The following HERC4 variants were observed in gnomAD, a reference collection of about 807,000 sequenced individuals.
The protein encoded by HERC4 is HECT and RLD domain containing E3 ubiquitin protein ligase 4.
In HERC4, 28 loss-of-function variants were observed where a neutral mutation model predicts 124.3. The ratio of observed to expected loss-of-function variants is 0.23; its 90% CI spans 0.17 to 0.31. The LOEUF is 0.31. HERC4 is among the 10% of genes least tolerant of loss of function. HERC4 has a pLI of 1.00. For missense variants in HERC4, 713 were observed against 1,229.3 expected (o/e 0.58, Z 6.28); for synonymous variants, 407 against 421.5 (o/e 0.97, Z 0.42).
intron 13 of HERC4, 51 bp from the exon 14 acceptor site, chr10:67,990,451 T>C (rs778529810): frequency 1.2e-5 from 7 of 599,302 alleles, no homozygotes; most frequent in Non-Finnish European, 1.5e-5. Flanking sequence ...GAATACACTT[T>C]CAAAGAAAAA....
At chr10:67,993,420 G>A (rs1047232438) in intron 9 of HERC4, 2 of 151,888 alleles carry the variant, frequency 1.3e-5, no homozygotes, top group African/African-American at 4.8e-5. Context: ...TTGGGAGAGT[G>A]AGGCAGGAGG....
At chr10:68,059,459 A>AATAATATTATGTATT (rs1554830043) in intron 3 of HERC4, among the ~76,000 whole-genome samples, 5 of 83,202 alleles carry the variant, frequency 6.0e-5, no homozygotes, top group African/African-American at 2.9e-4. Context: ...TATATATTAT[A>AATAATATTATGTATT]ATAATATTAT....
chr10:67,974,779 T>C (rs967089048), intron 15 of HERC4, among the ~76,000 whole-genome samples: 2 of 152,208 alleles, frequency 1.3e-5, no homozygotes, highest in Non-Finnish European at 2.9e-5. Flanking sequence ...CAAACACATA[T>C]ATAACACCAT....
chr10:68,012,936 T>C (rs2038053332), intron 9 of HERC4, among the ~76,000 whole-genome samples: 1 of 152,232 alleles, frequency 6.6e-6, no homozygotes, highest in Non-Finnish European at 1.5e-5. Context: ...ATGCATGACA[T>C]GATCAGTGAT....
chr10:67,937,825 G>T (rs2032499549), intron 21 of HERC4, among the ~76,000 whole-genome samples: 1 of 151,618 alleles, frequency 6.6e-6, no homozygotes, highest in African/African-American at 2.4e-5. Context: ...GGTACTACAG[G>T]TACGTGCCAC....
intron 3 of HERC4, among the ~76,000 whole-genome samples, chr10:68,049,233 G>C (rs1315732357): frequency 6.6e-6 from 1 of 151,588 alleles, no homozygotes; most frequent in East Asian, 1.9e-4. Context: ...GTTATGAAAA[G>C]ATCCCCAGGA....
At chr10:68,005,361 C>T (rs1473170771) in intron 9 of HERC4, among the ~76,000 whole-genome samples, 2 of 152,128 alleles carry the variant, frequency 1.3e-5, no homozygotes, top group Admixed American at 1.3e-4. Context: ...GCTACTCCTG[C>T]TCTTTTTGGT....
chr10:67,990,802 A>G, intron 13 of HERC4, 102 bp downstream of exon 13: 1 of 619,692 alleles, frequency 1.6e-6, no homozygotes, highest in South Asian at 3.0e-5. Context: ...GCACATCGTA[A>G]GAGTCTGTGA....
At chr10:67,989,569 A>G (rs1199852998) in intron 14 of HERC4, among the ~76,000 whole-genome samples, 1 of 151,974 alleles carries the variant, frequency 6.6e-6, no homozygotes, top group Non-Finnish European at 1.5e-5. Context: ...TTACTTCTAT[A>G]TATCTCAGCT....
chr10:67,952,683 G>A lies in HERC4; in HGVS notation c.2337+1912C>T, dbSNP rs1414546063. 2.6e-5 allele frequency among the ~76,000 whole-genome samples: 4 copies of A among 152,096 alleles called. No homozygotes were observed. In the South Asian group the frequency reaches 8.3e-4, roughly 32 times the overall value. The stretch of plus-strand genomic sequence containing the variant: ...GAAGGCCAAGGCAGGTGGATCACAA[G>A]GTCAGGAGATCGAGACAATCCTGGC... On this transcript the variant is annotated intron_variant, in intron 19 of 24. Transcript: ENST00000373700.
intron 17 of HERC4, 151 bp from the exon 18 acceptor site, chr10:67,955,281 A>G: frequency 1.6e-6 from 1 of 611,116 alleles, no homozygotes; most frequent in Non-Finnish European, 2.7e-6. Context: ...CGTACAGCAT[A>G]AAACTTAATA....
chr10:67,957,036 G>T, intron 16 of HERC4, 60 bp from the exon 17 acceptor site: 1 of 928,958 alleles, frequency 1.1e-6, no homozygotes. Context: ...TACTGTGGAT[G>T]CTGACATTTC....
intron 3 of HERC4, chr10:68,069,645 T>G: frequency 1.0e-6 from 1 of 984,920 alleles, no homozygotes; most frequent in Non-Finnish European, 1.2e-6. Flanking sequence ...TTCTCCTTCA[T>G]TCCTTATTAG....
At chr10:67,926,167 G>A (rs2030913719) in intron 23 of HERC4, among the ~76,000 whole-genome samples, 2 of 152,130 alleles carry the variant, frequency 1.3e-5, no homozygotes, top group African/African-American at 4.8e-5. Context: ...GTCCAAGCCG[G>A]GCAGATCACT....
chr10:67,956,639 G>C, intron 17 of HERC4: 1 of 291,840 alleles, frequency 3.4e-6, no homozygotes, highest in Non-Finnish European at 6.3e-6. Context: ...AATGAAAGAG[G>C]CTTATACAAT....
rs1180192954 is a variant in HERC4, at chr10:67,927,412, ATATATATATATATATATATTTTTT to A, written c.2839-2249_2839-2226del. Among the ~76,000 whole-genome samples the A allele has an allele frequency of 2.1e-3, 19 of 9,046 alleles. 2 individuals are homozygous for A. Among genetic ancestry groups the A allele is most frequent in the African/African-American group, 6.6e-3 (18 of 2,728 alleles). 5.9% of individuals were successfully genotyped at this position (9,046 alleles called of 152,430 possible). On this transcript the variant is annotated intron_variant, in intron 23 of 24. Transcript: ENST00000373700. ...TATATATATATATATATATATATAT[ATATATATATATATATATATTTTTT>A]TTTTTTTTTAGATAGAGTCTTGCTC...
At position 67,939,664 on chromosome 10, in the gene HERC4, AAT is replaced by A. The variant is rs775974780; in HGVS notation, c.2505-12_2505-11del. On this transcript the variant is annotated splice_polypyrimidine_tract_variant and intron_variant, in intron 20 of 24. Transcript: ENST00000373700. ...TAACTGTTGCATGCTTCTGCAAAATAATATATATGTTTCTGAGAGGAAAAAAT... is the reference window on the plus strand; with the variant it reads ...TAACTGTTGCATGCTTCTGCAAAATAATATATGTTTCTGAGAGGAAAAAAT... The A allele has an allele frequency of 3.8e-6, 6 of 1,577,476 alleles. No individual in the cohort carries two copies. The highest frequency in any genetic ancestry group is 5.2e-6 in the Non-Finnish European group (6 of 1,155,496).
At chr10:67,955,166 C>T in intron 17 of HERC4, 36 bp from the exon 18 acceptor site, 1 of 1,552,374 alleles carries the variant, frequency 6.4e-7, no homozygotes, top group South Asian at 1.2e-5. Flanking sequence ...AACAGCAATG[C>T]TACAATAAAG....
rs1177409636 is a variant in HERC4, at chr10:68,064,997, GA to G, written c.226+7885del. On this transcript the variant is annotated intron_variant, in intron 3 of 24. Transcript: ENST00000373700. ...AAAAAAAAAAAAAATCCAAAAAATA[GA>G]ATACTTAAATAAATTTTGGTACATC... Among the ~76,000 whole-genome samples, 3 of 150,590 alleles carry G rather than the reference GA, an allele frequency of 2.0e-5. No homozygotes were observed. The East Asian group carries it at 5.8e-4, about 29-fold the overall frequency.
Sources: allele counts gnomAD v4.1 joint callset (sites outside exome capture counted in the v4.1 genomes callset), GRCh38; gene constraint gnomAD v4.1.1; transcripts MANE v1.5; gene names NCBI Gene and HGNC (gene_info 2026-07-23, HGNC 2026-07-21).